Variants in SLC39A3 observed in about 807,000 individuals in gnomAD.
The protein encoded by SLC39A3 is solute carrier family 39 member 3.
SLC39A3 carries 3 observed loss-of-function variants against 5.1 expected under a neutral mutation model. The observed-to-expected ratio is 0.59, with a 90% CI of 0.27 to 1.54. SLC39A3 has a LOEUF of 1.54. Among genes scored for constraint, SLC39A3 ranks in the 40% most tolerant of loss-of-function variants. The probability of loss-of-function intolerance (pLI) is 0.12; values close to 1 mark genes in which losing one functional copy is unlikely to be tolerated. For missense variants in SLC39A3, 412 were observed against 436.4 expected (o/e 0.94, Z 0.50); for synonymous variants, 250 against 218.8 (o/e 1.14, Z -1.26).
rs1272394277 is a variant in SLC39A3, at chr19:2,732,530, A to G, written c.*221T>C. 7.0e-7 allele frequency: 1 copy of G among 1,430,628 alleles called. No individual in the cohort carries two copies. The highest frequency in any genetic ancestry group is 9.1e-7 in the Non-Finnish European group (1 of 1,097,282). The allele number at this position is 1,430,628 out of a possible 1,614,324, so 88.6% of individuals were successfully genotyped here. On this transcript the variant is annotated 3_prime_UTR_variant, in exon 3 of 3. Coordinates refer to ENST00000269740, the MANE Select transcript of SLC39A3 (RefSeq NM_144564.5). ...GTTGACATGGCCACACAGCTTTGGT[A>G]AAGACTTTTAAGAGAAAGAAGTATT...
chr19:2,737,429 T>C (rs536575272), intron 1 of SLC39A3, 50 bp from the exon 2 acceptor site: 25 of 1,293,774 alleles, frequency 1.9e-5, no homozygotes, highest in Admixed American at 2.9e-5. Flanking sequence ...TTTCTTTTTT[T>C]TTTTTTAGAC....
chr19:2,734,829 C>A lies in SLC39A3; in HGVS notation c.211-1344G>T. ...CTGACCACCGGCTGGAGGCCTCATG[C>A]ATGCCTCGCTTGAGGACAAGCTCAT... On this transcript the variant is annotated intron_variant, in intron 2 of 2. Transcript: ENST00000269740. This position sits in a 1 kb window ranked among gnomAD's most constrained non-coding sequence, Gnocchi z 4.6. 5.1e-6 allele frequency: 5 copies of A among 985,528 alleles called. No homozygotes were observed. Among genetic ancestry groups the A allele is most frequent in the Non-Finnish European group, 6.0e-6 (5 of 829,972 alleles). The allele number at this position is 985,528 out of a possible 1,614,324, so 61.0% of individuals were successfully genotyped here. A position where few individuals can be genotyped will look rare whatever the true frequency, so the allele number is the denominator to read the frequency against.
Position 2,734,672 on chromosome 19 carries a change from G to C in SLC39A3, c.211-1187C>G. The C allele has an allele frequency of 1.1e-6, 1 of 941,670 alleles. No homozygotes were observed. The highest frequency in any genetic ancestry group is 1.3e-6 in the Non-Finnish European group (1 of 790,274). 58.3% of individuals were successfully genotyped at this position (941,670 alleles called of 1,614,324 possible). A position where few individuals can be genotyped will look rare whatever the true frequency, so the allele number is the denominator to read the frequency against. On this transcript the variant is annotated intron_variant, in intron 2 of 2. Transcript: ENST00000269740. The surrounding 1 kb of genome is among the most constrained non-coding windows in gnomAD (Gnocchi z 4.6). ...CTGGCCTCCACCCACTCCAGGCCAG[G>C]AGCACCCCCCATCGTGACAACCACA...
Position 2,732,712 on chromosome 19 carries a change from CCCGGCGGGCT to C in SLC39A3, c.*29_*38del, listed in dbSNP as rs1301261055. ...CGCGGCCTGTGTCCGGCCCGGGGCTCCCGGCGGGCTCCGGCGGCAGGGACAATGGCGAGGC... is the reference window on the plus strand; with the variant it reads ...CGCGGCCTGTGTCCGGCCCGGGGCTCCCGGCGGCAGGGACAATGGCGAGGC... On this transcript the variant is annotated 3_prime_UTR_variant, in exon 3 of 3. Coordinates refer to ENST00000269740, the MANE Select transcript of SLC39A3 (RefSeq NM_144564.5). The C allele has an allele frequency of 3.1e-5, 46 of 1,507,530 alleles. No homozygotes were observed. Among genetic ancestry groups the C allele is most frequent in the Non-Finnish European group, 3.5e-5 (39 of 1,129,828 alleles). The allele number at this position is 1,507,530 out of a possible 1,614,324, so 93.4% of individuals were successfully genotyped here.
rs141231399 is a variant in SLC39A3, at chr19:2,733,985, G to A, written c.211-500C>T. ...CTGCACTGGCCTTGCGTGTTCTGCCGCGGGGCCTCCTCTCTGCTTCCCTGA... is the reference window on the plus strand; with the variant it reads ...CTGCACTGGCCTTGCGTGTTCTGCCACGGGGCCTCCTCTCTGCTTCCCTGA... On this transcript the variant is annotated intron_variant, in intron 2 of 2. Coordinates refer to ENST00000269740, the MANE Select transcript of SLC39A3 (RefSeq NM_144564.5). This position sits in a 1 kb window ranked among gnomAD's most constrained non-coding sequence, Gnocchi z 6.1. 1.1e-3 allele frequency among the ~76,000 whole-genome samples: 161 copies of A among 152,322 alleles called. No individual in the cohort carries two copies. The highest frequency in any genetic ancestry group is 1.8e-3 in the Non-Finnish European group (125 of 68,020).
chr19:2,738,280 A>G (rs1914440559), intron 1 of SLC39A3, among the ~76,000 whole-genome samples: 1 of 151,880 alleles, frequency 6.6e-6, no homozygotes, highest in African/African-American at 2.4e-5. Context: ...AGCGCTCAGT[A>G]GTCACACAAG....
chr19:2,738,379 G>A (rs1156788959), intron 1 of SLC39A3, among the ~76,000 whole-genome samples: 1 of 152,034 alleles, frequency 6.6e-6, no homozygotes, highest in East Asian at 1.9e-4. Flanking sequence ...GGTGGTCCAT[G>A]GCTTCCCCAT....
Position 2,733,102 on chromosome 19 carries a change from C to T in SLC39A3, c.594G>A (p.Val198=), listed in dbSNP as rs773841601. 1.2e-6 allele frequency: 2 copies of T among 1,611,280 alleles called. No homozygotes were observed. Among genetic ancestry groups the T allele is most frequent in the Non-Finnish European group, 1.7e-6 (2 of 1,179,286 alleles). ...GGACGGCCACCCCCACGAACAGGCT[C>T]ACCACTTTCTCCCCCTCCTCCTGCA... ...LGLQEEGEKV[V]SLFVGVAVHE... is the part of the protein sequence containing the mutation. The change falls in exon 3 of 3, where the codon GTG becomes GTA. Residue 198 remains valine (V), a synonymous_variant. Coordinates refer to ENST00000269740, the MANE Select transcript of SLC39A3 (RefSeq NM_144564.5). The surrounding 1 kb of genome is among the most constrained non-coding windows in gnomAD (Gnocchi z 6.1).
rs1175131725 is a variant in SLC39A3, at chr19:2,737,279, G to A, written c.-22C>T. On this transcript the variant is annotated 5_prime_UTR_variant, in exon 2 of 3. It introduces an in-frame stop codon into an upstream open reading frame of the 5' UTR. Coordinates refer to ENST00000269740, the MANE Select transcript of SLC39A3 (RefSeq NM_144564.5). The stretch of plus-strand genomic sequence containing the variant: ...CCATGGTGGCGGCTTGGGCTGCTCT[G>A]GTCACTGCAGGGCCAAACCATCTGT... 1.1e-5 allele frequency: 18 copies of A among 1,587,712 alleles called. No homozygotes were observed. Among genetic ancestry groups the A allele is most frequent in the Non-Finnish European group, 1.5e-5 (17 of 1,166,654 alleles).
chr19:2,738,736 A>G (rs994081091), intron 1 of SLC39A3, among the ~76,000 whole-genome samples: 1 of 152,096 alleles, frequency 6.6e-6, no homozygotes, highest in African/African-American at 2.4e-5. Flanking sequence ...CGAGAGTTCA[A>G]GACCAGCCTG....
intron 2 of SLC39A3, 104 bp downstream of exon 2, chr19:2,736,944 A>G: frequency 1.3e-6 from 2 of 1,566,682 alleles, no homozygotes; most frequent in Non-Finnish European, 1.7e-6. Context: ...TCACCCTTAC[A>G]GCATCAAGGC....
rs555543808 is a variant in SLC39A3, at chr19:2,735,441, C to T, written c.210+1607G>A. ...AAGCTCACTGGAGGTCGGAAGAGTC[C>T]ACCTCCTGGTGGCTGTGGACTGAGG... On this transcript the variant is annotated intron_variant, in intron 2 of 2. Coordinates refer to ENST00000269740, the MANE Select transcript of SLC39A3 (RefSeq NM_144564.5). The surrounding 1 kb of genome is among the most constrained non-coding windows in gnomAD (Gnocchi z 5.7). 32 of 156,514 alleles carry T rather than the reference C, an allele frequency of 2.0e-4. No homozygotes were observed. Among genetic ancestry groups the T allele is most frequent in the Non-Finnish European group, 3.0e-4 (22 of 72,136 alleles). The allele number at this position is 156,514 out of a possible 1,614,324, so 9.7% of individuals were successfully genotyped here. A position where few individuals can be genotyped will look rare whatever the true frequency, so the allele number is the denominator to read the frequency against.
rs1044020146 is a variant in SLC39A3, at chr19:2,735,110, C to T, written c.211-1625G>A. The stretch of plus-strand genomic sequence containing the variant: ...GGAAGAGCAAGCTCCCCGCAGTCGC[C>T]CAGGCCTGCAGTCAGAGGGTGACGG... On this transcript the variant is annotated intron_variant, in intron 2 of 2. Transcript: ENST00000269740. The surrounding 1 kb of genome is among the most constrained non-coding windows in gnomAD (Gnocchi z 5.7). 1.0e-6 allele frequency: 1 copy of T among 985,160 alleles called. No homozygotes were observed. The highest frequency in any genetic ancestry group is 1.7e-5 in the African/African-American group (1 of 57,168). 61.0% of individuals were successfully genotyped at this position (985,160 alleles called of 1,614,324 possible).
rs895535637 is a variant in SLC39A3 at position 2,734,035 on chromosome 19, C to T, written c.211-550G>A. 1.3e-5 allele frequency among the ~76,000 whole-genome samples: 2 copies of T among 152,236 alleles called. No individual in the cohort carries two copies. Among genetic ancestry groups the T allele is most frequent in the Non-Finnish European group, 2.9e-5 (2 of 68,046 alleles). The stretch of plus-strand genomic sequence containing the variant: ...ACCGACATGCCTGGGCCCGACTCTC[C>T]TCCTGGTCAGGGCTCTCCTAGCGAG... On this transcript the variant is annotated intron_variant, in intron 2 of 2. Transcript: ENST00000269740. This position sits in a 1 kb window ranked among gnomAD's most constrained non-coding sequence, Gnocchi z 4.6.
rs755985597 is a variant in SLC39A3, at chr19:2,733,258, C to T, written c.438G>A (p.Leu146=). ...PFMGGARGHA[L]YVEPHGHGPS... ...GGCCGTGGCCGTGGGGCTCCACGTA[C>T]AGCGCGTGGCCCCGCGCGCCCCCCA... The change falls in exon 3 of 3, where the codon CTG becomes CTA. Residue 146 remains leucine (L), a synonymous_variant. Transcript: ENST00000269740. The surrounding 1 kb of genome is among the most constrained non-coding windows in gnomAD (Gnocchi z 6.1). 1.2e-6 allele frequency: 2 copies of T among 1,611,598 alleles called. No homozygotes were observed. The highest frequency in any genetic ancestry group is 1.1e-5 in the South Asian group (1 of 91,034).
rs1423595485 is a variant in SLC39A3 at position 2,734,968 on chromosome 19, C to CT, written c.211-1484_211-1483insA. The stretch of plus-strand genomic sequence containing the variant: ...AGGGGTGACTGAGAGCCTGGCCCTG[C>CT]AGTGGGTGAGGCTGGGGGCTCGGGA... On this transcript the variant is annotated intron_variant, in intron 2 of 2. Transcript: ENST00000269740. The surrounding 1 kb of genome is among the most constrained non-coding windows in gnomAD (Gnocchi z 4.6). 2.0e-6 allele frequency: 2 copies of CT among 985,414 alleles called. No homozygotes were observed. The highest frequency in any genetic ancestry group is 3.5e-5 in the African/African-American group (2 of 57,238). The allele number at this position is 985,414 out of a possible 1,614,324, so 61.0% of individuals were successfully genotyped here. A position where few individuals can be genotyped will look rare whatever the true frequency, so the allele number is the denominator to read the frequency against.
At position 2,734,194 on chromosome 19, in the gene SLC39A3, T is replaced by C. The variant is rs888096016; in HGVS notation, c.211-709A>G. 2.0e-5 allele frequency among the ~76,000 whole-genome samples: 3 copies of C among 152,164 alleles called. No individual in the cohort carries two copies. Among genetic ancestry groups the C allele is most frequent in the Non-Finnish European group, 2.9e-5 (2 of 68,020 alleles). ...GCAGGCATTAGGCTATGCGCCAGGA[T>C]GAAATGTCTCATGAAAGGCAGGCTG... is the stretch of plus-strand genomic sequence containing the variant. On this transcript the variant is annotated intron_variant, in intron 2 of 2. Coordinates refer to ENST00000269740, the MANE Select transcript of SLC39A3 (RefSeq NM_144564.5). The surrounding 1 kb of genome is among the most constrained non-coding windows in gnomAD (Gnocchi z 4.6).
chr19:2,739,754 G>A (rs775143642), intron 1 of SLC39A3, among the ~76,000 whole-genome samples, 191 bp downstream of exon 1: 41 of 152,342 alleles, frequency 2.7e-4, no homozygotes, highest in Non-Finnish European at 5.0e-4. Flanking sequence ...ACCGGAGGCT[G>A]CTCGGGCCGG....
intron 2 of SLC39A3, 56 bp downstream of exon 2, chr19:2,736,992 G>A (rs180765041): frequency 1.2e-6 from 2 of 1,608,134 alleles, no homozygotes; most frequent in Admixed American, 1.7e-5. Flanking sequence ...AAATGCATCA[G>A]AGTCCCTTGG....
Sources: allele counts gnomAD v4.1 joint callset (sites outside exome capture counted in the v4.1 genomes callset), GRCh38; gene constraint gnomAD v4.1.1; non-coding constraint Gnocchi (gnomAD v3.1); transcripts MANE v1.5; gene names NCBI Gene and HGNC (gene_info 2026-07-23, HGNC 2026-07-21).